The following KDM3B variants were observed in gnomAD, a reference collection of about 807,000 sequenced individuals.
The protein encoded by KDM3B is lysine demethylase 3B.
A neutral mutation model predicts 170.0 loss-of-function variants in KDM3B; 10 were observed. The ratio of observed to expected loss-of-function variants is 0.06; its 90% CI spans 0.04 to 0.10. KDM3B has a LOEUF of 0.10. KDM3B is among the 10% of genes least tolerant of loss of function. The probability of loss-of-function intolerance (pLI) is 1.00; values close to 1 mark genes in which losing one functional copy is unlikely to be tolerated. For missense variants in KDM3B, 1,394 were observed against 2,195.2 expected, an observed-to-expected ratio of 0.64 and a Z score of 7.29; for synonymous variants, 831 against 834.8, an observed-to-expected ratio of 1.00 and a Z score of 0.08.
chr5:138,426,446 A>G (rs1437541834), intron 17 of KDM3B, among the ~76,000 whole-genome samples: 3 of 151,678 alleles, frequency 2.0e-5, no homozygotes, highest in East Asian at 3.9e-4. Flanking sequence ...ATGGTGGCAG[A>G]CACCTATAGT....
chr5:138,422,284 C>T lies in KDM3B; in HGVS notation c.3972+1322C>T, dbSNP rs779220257. Among the ~76,000 whole-genome samples the T allele has an allele frequency of 9.2e-5, 14 of 152,160 alleles. No homozygotes were observed. The Middle Eastern group carries it at 0.01, about 111-fold the overall frequency. On this transcript the variant is annotated intron_variant, in intron 15 of 23. Transcript: ENST00000314358. ...TATCCCTAGTGCCATGGTGTTTGAT[C>T]CAGTCATGTTTAGTAAGCATTTATT...
chr5:138,393,474 T>C, intron 9 of KDM3B, 102 bp downstream of exon 9: 2 of 993,898 alleles, frequency 2.0e-6, no homozygotes, highest in East Asian at 2.6e-5. Flanking sequence ...TCTTGGTCTT[T>C]GCTTTCCTCA....
At chr5:138,363,374 T>G (rs1242171902) in intron 1 of KDM3B, among the ~76,000 whole-genome samples, 1 of 152,146 alleles carries the variant, frequency 6.6e-6, no homozygotes, top group Non-Finnish European at 1.5e-5. Context: ...CACTGTTAAT[T>G]TTTTCATCTT....
chr5:138,360,459 T>C (rs899828689), intron 1 of KDM3B, among the ~76,000 whole-genome samples: 1 of 151,962 alleles, frequency 6.6e-6, no homozygotes, highest in Non-Finnish European at 1.5e-5. Context: ...TTTGAAACAC[T>C]GAGCCATGGT....
chr5:138,434,304 C>T (rs1763617792), intron 23 of KDM3B, among the ~76,000 whole-genome samples: 1 of 152,210 alleles, frequency 6.6e-6, no homozygotes, highest in South Asian at 2.1e-4. Flanking sequence ...AATCCCAACA[C>T]TTTGGGAGGC....
intron 1 of KDM3B, among the ~76,000 whole-genome samples, chr5:138,353,562 C>A (rs1471850563): frequency 2.0e-5 from 3 of 152,098 alleles, no homozygotes. Context: ...GGCCAGCTCT[C>A]GGCACTGTCT....
intron 23 of KDM3B, among the ~76,000 whole-genome samples, chr5:138,435,291 A>G (rs560840498): frequency 2.6e-5 from 4 of 152,258 alleles, no homozygotes; most frequent in Admixed American, 2.0e-4. Context: ...TCCTCTGTAA[A>G]TTGGGCATGA....
chr5:138,415,702 G>A (rs536309652), intron 12 of KDM3B, among the ~76,000 whole-genome samples: 102 of 151,580 alleles, frequency 6.7e-4, no homozygotes, highest in African/African-American at 2.3e-3. Context: ...CTCCCACCTC[G>A]GCCTCCCAAA....
Position 138,391,884 on chromosome 5 carries a change from C to T in KDM3B, c.2252C>T (p.Thr751Ile), listed in dbSNP as rs776596787. 17 of 1,613,966 alleles carry T rather than the reference C, an allele frequency of 1.1e-5. No individual in the cohort carries two copies. The highest frequency in any genetic ancestry group is 1.4e-5 in the Non-Finnish European group (16 of 1,179,946). Reference protein sequence around the residue: ...LSSSPTEERPTVGPGQQDNPL... With the variant: ...LSSSPTEERPIVGPGQQDNPL... ...TCTAGCCCCACAGAGGAGAGGCCAA[C>T]TGTGGGGCCTGGGCAGCAGGACAAT... The change falls in exon 8 of 24, where the codon ACT becomes ATT. Residue 751 changes from threonine to isoleucine, a missense_variant. By Grantham distance (89) the Thr-to-Ile change is moderately conservative. This residue lies in a region of KDM3B where 294 missense variants were observed against 311.7 expected (regional missense o/e 0.94). Coordinates refer to ENST00000314358, the MANE Select transcript of KDM3B (RefSeq NM_016604.4). This position sits in a 1 kb window ranked among gnomAD's most constrained non-coding sequence, Gnocchi z 5.0.
chr5:138,373,354 C>A (rs1761920150), intron 2 of KDM3B, among the ~76,000 whole-genome samples: 2 of 152,076 alleles, frequency 1.3e-5, no homozygotes, highest in African/African-American at 2.4e-5. Flanking sequence ...ACAAAAAAAA[C>A]AACAATGAAA....
chr5:138,418,566 A>G (rs1763169110), intron 13 of KDM3B, among the ~76,000 whole-genome samples: 1 of 152,226 alleles, frequency 6.6e-6, no homozygotes, highest in Non-Finnish European at 1.5e-5. Flanking sequence ...TAGAAAAATC[A>G]GTAAGAGTAA....
At chr5:138,428,925 G>A (rs1296010727) in intron 20 of KDM3B, among the ~76,000 whole-genome samples, 1 of 147,876 alleles carries the variant, frequency 6.8e-6, no homozygotes, top group African/African-American at 2.5e-5. Context: ...AAATCTTAAG[G>A]TTCAGGGATA....
intron 6 of KDM3B, among the ~76,000 whole-genome samples, chr5:138,385,676 G>A (rs1396479607): frequency 6.6e-6 from 1 of 152,228 alleles, no homozygotes; most frequent in Non-Finnish European, 1.5e-5. Context: ...ATTTCATCAA[G>A]GGGTAAATGA....
intron 15 of KDM3B, among the ~76,000 whole-genome samples, chr5:138,421,299 C>G (rs1207344680): frequency 2.0e-5 from 3 of 152,126 alleles, no homozygotes; most frequent in African/African-American, 7.2e-5. Context: ...ATAGATGTCT[C>G]AAACCTTTAA....
intron 5 of KDM3B, among the ~76,000 whole-genome samples, chr5:138,381,046 G>A (rs1393910388): frequency 3.3e-5 from 5 of 151,852 alleles, no homozygotes; most frequent in South Asian, 2.1e-4. Flanking sequence ...CTAATTTTTT[G>A]TATTTTTAGT....
At chr5:138,393,396 C>A (rs1232014633) in intron 9 of KDM3B, 24 bp downstream of exon 9, 3 of 1,590,648 alleles carry the variant, frequency 1.9e-6, no homozygotes, top group Non-Finnish European at 2.6e-6. Flanking sequence ...TGTTTTCCTC[C>A]TTTGCTAGTT....
chr5:138,415,291 T>C, intron 12 of KDM3B, 52 bp downstream of exon 12: 1 of 1,207,704 alleles, frequency 8.3e-7, no homozygotes, highest in Non-Finnish European at 1.2e-6. Flanking sequence ...TTAGTTGAGA[T>C]AGCCATACAC....
At chr5:138,385,327 G>A (rs941506612) in intron 6 of KDM3B, among the ~76,000 whole-genome samples, 1 of 152,042 alleles carries the variant, frequency 6.6e-6, no homozygotes, top group African/African-American at 2.4e-5. Flanking sequence ...AGGCCTCCTG[G>A]GTTCAAGCGA....
In KDM3B at chr5:138,352,804, C is replaced by T. The variant is rs1761359581; in HGVS notation, c.9C>T (p.Asp3=). 3 of 1,298,192 alleles carry T rather than the reference C, an allele frequency of 2.3e-6. No homozygotes were observed. The highest frequency in any genetic ancestry group is 4.1e-5 in the South Asian group (2 of 49,246). 80.4% of individuals were successfully genotyped at this position (1,298,192 alleles called of 1,614,324 possible). A position where few individuals can be genotyped will look rare whatever the true frequency, so the allele number is the denominator to read the frequency against. Residue 3 remains aspartate (D), a synonymous_variant, in exon 1 of 24, where the codon GAC becomes GAT. Transcript: ENST00000314358. ...TCAGGCCGGCCCCGGCGATGGCGGACGCGGCGGCCTCCCCGGTGGGCAAGC... is the reference window on the plus strand; with the variant it reads ...TCAGGCCGGCCCCGGCGATGGCGGATGCGGCGGCCTCCCCGGTGGGCAAGC... MA[D]AAASPVGKRL...
Sources: gnomAD v4.1 joint callset for allele counts (sites outside exome capture counted in the v4.1 genomes callset) on GRCh38, gnomAD v4.1.1 for gene constraint, gnomAD v4.1.1 regional missense constraint, Gnocchi (gnomAD v3.1) non-coding constraint, MANE v1.5 for transcripts, NCBI Gene and HGNC (gene_info 2026-07-23, HGNC 2026-07-21) for gene names.